The following ATF7IP2 variants were observed in gnomAD, a reference collection of about 807,000 sequenced individuals.
ATF7IP2 encodes activating transcription factor 7-interacting protein 2.
ATF7IP2 carries 42 observed loss-of-function variants against 64.2 expected under a neutral mutation model. The ratio of observed to expected loss-of-function variants is 0.65; its 90% CI spans 0.51 to 0.85. ATF7IP2 has a LOEUF of 0.85. ATF7IP2 is among the 40% of genes least tolerant of loss of function. The pLI, the probability that ATF7IP2 is intolerant of heterozygous loss-of-function variation, is 0.00. For missense variants in ATF7IP2, 933 were observed against 784.2 expected, an observed-to-expected ratio of 1.19 and a Z score of -2.27; for synonymous variants, 308 against 272.8, an observed-to-expected ratio of 1.13 and a Z score of -1.27.
At chr16:10,470,684 C>T (rs748078134) in intron 9 of ATF7IP2, among the ~76,000 whole-genome samples, 12 of 151,558 alleles carry the variant, frequency 7.9e-5, no homozygotes, top group Non-Finnish European at 1.3e-4. Context: ...CTTAGGAGGC[C>T]GAGATGAGAG....
intron 12 of ATF7IP2, among the ~76,000 whole-genome samples, chr16:10,478,717 A>G (rs2050100938): frequency 6.6e-6 from 1 of 152,240 alleles, no homozygotes; most frequent in Admixed American, 6.5e-5. Context: ...GTGAACAGGC[A>G]ACCTACAAAA....
chr16:10,460,472 G>C, intron 9 of ATF7IP2, among the ~76,000 whole-genome samples: 1 of 152,258 alleles, frequency 6.6e-6, no homozygotes, highest in South Asian at 2.1e-4. Flanking sequence ...ATATTACAAA[G>C]CTACAGTAAT....
intron 3 of ATF7IP2, among the ~76,000 whole-genome samples, chr16:10,422,715 C>T (rs997828220): frequency 2.6e-5 from 4 of 152,136 alleles, no homozygotes; most frequent in African/African-American, 7.2e-5. Context: ...ACAGATAGGA[C>T]ATTTATCAGT....
At chr16:10,459,255 T>A (rs888333721) in intron 9 of ATF7IP2, among the ~76,000 whole-genome samples, 5 of 151,928 alleles carry the variant, frequency 3.3e-5, no homozygotes. Context: ...GATCACGAGG[T>A]CAGGAGATGA....
At chr16:10,465,926 A>C (rs1348137598) in intron 9 of ATF7IP2, among the ~76,000 whole-genome samples, 1 of 152,164 alleles carries the variant, frequency 6.6e-6, no homozygotes, top group Non-Finnish European at 1.5e-5. Context: ...GTTGACATGT[A>C]ATATCTACTA....
intron 8 of ATF7IP2, chr16:10,448,548 C>T (rs2048884451): frequency 6.6e-6 from 1 of 152,062 alleles, no homozygotes; most frequent in Non-Finnish European, 1.5e-5. Context: ...GGAGTTCACT[C>T]ATGATTTGGT....
intron 9 of ATF7IP2, among the ~76,000 whole-genome samples, chr16:10,463,781 C>G (rs563776336): frequency 2.6e-5 from 4 of 152,284 alleles, no homozygotes; most frequent in African/African-American, 7.2e-5. Context: ...AATAGAGATA[C>G]AATACAATAT....
In ATF7IP2 at chr16:10,474,007, A is replaced by T. The variant is rs2049909534; in HGVS notation, c.1549+18A>T. The T allele has an allele frequency of 6.5e-7, 1 of 1,535,036 alleles. No homozygotes were observed. The highest frequency in any genetic ancestry group is 1.4e-5 in the African/African-American group (1 of 71,092). ...CAATACAGGTAAAAGGATTTTTTAGATCTTTCTTTTGTAAAAAGGAGGGAA... is the reference window on the plus strand; with the variant it reads ...CAATACAGGTAAAAGGATTTTTTAGTTCTTTCTTTTGTAAAAAGGAGGGAA... On this transcript the variant is annotated intron_variant, in intron 12 of 13. Coordinates refer to ENST00000562102, the MANE Select transcript of ATF7IP2 (RefSeq NM_001393719.1).
intron 8 of ATF7IP2, among the ~76,000 whole-genome samples, chr16:10,444,893 A>T (rs1205611375): frequency 2.0e-5 from 3 of 152,198 alleles, no homozygotes; most frequent in Non-Finnish European, 4.4e-5. Context: ...CATTATTAGC[A>T]GTTGCATTTG....
intron 8 of ATF7IP2, chr16:10,449,810 G>A (rs2048928250): frequency 6.6e-6 from 1 of 152,002 alleles, no homozygotes; most frequent in African/African-American, 2.4e-5. Flanking sequence ...GGTTTTTCAT[G>A]TCTCTATCTC....
rs77805651 is a variant in ATF7IP2, at chr16:10,431,471, T to G, written c.835+16T>G. Reference sequence around the variant, plus strand: ...AATAACAACAGTAAGTATATACTTATGCACCTTTTAGAAAAATTAAAATAG... The same window carrying G: ...AATAACAACAGTAAGTATATACTTAGGCACCTTTTAGAAAAATTAAAATAG... On this transcript the variant is annotated intron_variant, in intron 5 of 13. Transcript: ENST00000562102. 2 of 1,489,024 alleles carry G rather than the reference T, an allele frequency of 1.3e-6. No homozygotes were observed. Among genetic ancestry groups the G allele is most frequent in the Non-Finnish European group, 1.8e-6 (2 of 1,100,146 alleles). 92.2% of individuals were successfully genotyped at this position (1,489,024 alleles called of 1,614,324 possible).
intron 3 of ATF7IP2, among the ~76,000 whole-genome samples, chr16:10,422,745 G>A (rs2048010891): frequency 6.6e-6 from 1 of 152,076 alleles, no homozygotes; most frequent in Non-Finnish European, 1.5e-5. Flanking sequence ...CCCCCAATAA[G>A]CTGCTTTGCC....
At chr16:10,467,940 C>T (rs1405740783) in intron 9 of ATF7IP2, among the ~76,000 whole-genome samples, 2 of 144,264 alleles carry the variant, frequency 1.4e-5, no homozygotes, top group African/African-American at 2.6e-5. Flanking sequence ...AGTGCAATGT[C>T]ATGATCTTGG....
At chr16:10,387,767 A>C (rs1367201091) in intron 1 of ATF7IP2, 1 of 152,084 alleles carries the variant, frequency 6.6e-6, no homozygotes, top group Non-Finnish European at 1.5e-5. Flanking sequence ...TTGTTGAGCG[A>C]GATGATACAA....
At chr16:10,478,348 C>A (rs1258403490) in intron 12 of ATF7IP2, among the ~76,000 whole-genome samples, 1 of 151,858 alleles carries the variant, frequency 6.6e-6, no homozygotes, top group Non-Finnish European at 1.5e-5. Context: ...GAAATAACGC[C>A]ACATATCTAC....
rs540729501 is a variant in ATF7IP2 at position 10,433,010 on chromosome 16, G to C, written c.836-515G>C. Among the ~76,000 whole-genome samples, 4 of 152,204 alleles carry C rather than the reference G, an allele frequency of 2.6e-5. No individual in the cohort carries two copies. In the South Asian group the frequency reaches 8.3e-4, roughly 32 times the overall value. On this transcript the variant is annotated intron_variant, in intron 5 of 13. Coordinates refer to ENST00000562102, the MANE Select transcript of ATF7IP2 (RefSeq NM_001393719.1). The stretch of plus-strand genomic sequence containing the variant: ...TATTGAGTTATTAAGTAAGATTAAA[G>C]GGACAGAGTATCTGAGACCAGAACC...
At chr16:10,417,670 C>T (rs1362907547) in intron 2 of ATF7IP2, among the ~76,000 whole-genome samples, 1 of 152,174 alleles carries the variant, frequency 6.6e-6, no homozygotes, top group Non-Finnish European at 1.5e-5. Context: ...AATTGATAAT[C>T]TGGTCCTAAA....
At chr16:10,441,570 A>G (rs1220373220) in intron 8 of ATF7IP2, among the ~76,000 whole-genome samples, 2 of 152,124 alleles carry the variant, frequency 1.3e-5, no homozygotes, top group Admixed American at 6.5e-5. Flanking sequence ...GTGTCTGTTC[A>G]TATCCTTCGC....
chr16:10,405,045 T>G (rs866974736), intron 1 of ATF7IP2, among the ~76,000 whole-genome samples: 1 of 152,110 alleles, frequency 6.6e-6, no homozygotes, highest in Non-Finnish European at 1.5e-5. Flanking sequence ...TAATAAATCC[T>G]CAGATCCTAA....
Sources: gnomAD v4.1 joint callset for allele counts (sites outside exome capture counted in the v4.1 genomes callset) on GRCh38, gnomAD v4.1.1 for gene constraint, MANE v1.5 for transcripts, NCBI Gene and HGNC (gene_info 2026-07-23, HGNC 2026-07-21) for gene names.